The following YTHDF1 variants were observed in gnomAD, a reference collection of about 807,000 sequenced individuals.
The protein encoded by YTHDF1 is YTH domain-containing family protein 1.
A neutral mutation model predicts 49.1 loss-of-function variants in YTHDF1; 16 were observed. That is an observed-to-expected ratio of 0.33 (90% CI 0.22 to 0.49). The LOEUF (loss-of-function observed/expected upper bound fraction) is 0.49, where lower values mean the gene tolerates loss of function less well. Among genes scored for constraint, YTHDF1 ranks in the 20% least tolerant of loss-of-function variants. The pLI is 0.99. For synonymous variants in YTHDF1, 313 were observed against 290.1 expected, an observed-to-expected ratio of 1.08 and a Z score of -0.80; for missense variants, 621 against 744.3, an observed-to-expected ratio of 0.83 and a Z score of 1.93.
At chr20:63,204,517 C>A (rs1026231140) in intron 3 of YTHDF1, among the ~76,000 whole-genome samples, 1 of 152,222 alleles carries the variant, frequency 6.6e-6, no homozygotes, top group Middle Eastern at 3.2e-3. Context: ...TAGGCCCCTG[C>A]ACAGAGGGCC....
chr20:63,202,195 C>T (rs1419637337), intron 4 of YTHDF1, 92 bp downstream of exon 4: 3 of 1,489,644 alleles, frequency 2.0e-6, no homozygotes, highest in African/African-American at 1.4e-5. Flanking sequence ...GCTCGGCGGA[C>T]CTGCCGCATC....
At chr20:63,202,136 TG>T in intron 4 of YTHDF1, 150 bp downstream of exon 4, 1 of 1,005,982 alleles carries the variant, frequency 9.9e-7, no homozygotes, top group Non-Finnish European at 1.5e-6. Flanking sequence ...TGCCAGGACC[TG>T]GGCCCGCCCA....
At chr20:63,201,012 T>G (rs1479519461) in intron 4 of YTHDF1, among the ~76,000 whole-genome samples, 1 of 150,310 alleles carries the variant, frequency 6.7e-6, no homozygotes, top group Non-Finnish European at 1.5e-5. Context: ...GCCACTGCAC[T>G]CCAGCCTGGG....
At chr20:63,199,554 CT>C (rs1426118352) in intron 4 of YTHDF1, among the ~76,000 whole-genome samples, 3 of 151,906 alleles carry the variant, frequency 2.0e-5, no homozygotes, top group East Asian at 3.9e-4. Context: ...TGCACTGACT[CT>C]TCATGGGAAA....
intron 4 of YTHDF1, among the ~76,000 whole-genome samples, chr20:63,198,039 A>C (rs1046538020): frequency 6.6e-6 from 1 of 152,064 alleles, no homozygotes; most frequent in Non-Finnish European, 1.5e-5. Context: ...GGCAGGTCCT[A>C]CTCTTAAGAA....
intron 2 of YTHDF1, among the ~76,000 whole-genome samples, chr20:63,214,993 G>C (rs2066594348): frequency 6.6e-6 from 1 of 152,184 alleles, no homozygotes; most frequent in South Asian, 2.1e-4. Flanking sequence ...GGTAAATAAA[G>C]TGCTGGGCCT....
At chr20:63,205,899 T>C (rs975865399) in intron 3 of YTHDF1, among the ~76,000 whole-genome samples, 1 of 152,356 alleles carries the variant, frequency 6.6e-6, no homozygotes, top group Non-Finnish European at 1.5e-5. Context: ...TGGGATGCTA[T>C]CAGTGTTCCA....
chr20:63,215,627 G>C (rs767500809), intron 1 of YTHDF1, 26 bp from the exon 2 acceptor site: 1 of 1,601,624 alleles, frequency 6.2e-7, no homozygotes, highest in Non-Finnish European at 8.5e-7. Context: ...CCGGGACGTG[G>C]GGTACACACA....
At position 63,203,408 on chromosome 20, in the gene YTHDF1, G is replaced by A. The variant is rs190646520; in HGVS notation, c.532C>T (p.Pro178Ser). The change falls in exon 4 of 5, where the codon CCC becomes TCC. Residue 178 changes from proline (P) to serine (S), a missense_variant. This residue lies in a region of YTHDF1 where 470 missense variants were observed against 495.8 expected (regional missense o/e 0.95). Coordinates refer to ENST00000370339, the MANE Select transcript of YTHDF1 (RefSeq NM_017798.4). The surrounding 1 kb of genome is among the most constrained non-coding windows in gnomAD (Gnocchi z 4.4). ...GFHSDTLSKA[P>S]GMNSLEQGMV... is the part of the protein sequence containing the mutation. The stretch of plus-strand genomic sequence containing the variant: ...CCCTGCTCCAGGCTGTTCATCCCGG[G>A]GGCCTTGCTGAGGGTGTCGCTGTGA... The A allele has an allele frequency of 1.2e-6, 2 of 1,613,006 alleles. No homozygotes were observed. The highest frequency in any genetic ancestry group is 1.7e-4 in the Middle Eastern group (1 of 6,058).
chr20:63,214,960 C>T (rs2066594259), intron 2 of YTHDF1, among the ~76,000 whole-genome samples: 1 of 152,196 alleles, frequency 6.6e-6, no homozygotes, highest in African/African-American at 2.4e-5. Flanking sequence ...TGTTATTATG[C>T]TCAGCCAGAA....
Position 63,196,615 on chromosome 20 carries a change from C to T in YTHDF1, c.*93G>A, listed in dbSNP as rs534136172. The T allele has an allele frequency of 6.7e-6, 10 of 1,485,456 alleles. No homozygotes were observed. The highest frequency in any genetic ancestry group is 1.4e-5 in the African/African-American group (1 of 71,256). The allele number at this position is 1,485,456 out of a possible 1,614,324, so 92.0% of individuals were successfully genotyped here. On this transcript the variant is annotated 3_prime_UTR_variant, in exon 5 of 5. Transcript: ENST00000370339. ...AGGCAAAGATGCAACACTCAACCCCCGCACGGGACGACACACTGGAGCTGA... is the reference window on the plus strand; with the variant it reads ...AGGCAAAGATGCAACACTCAACCCCTGCACGGGACGACACACTGGAGCTGA...
intron 4 of YTHDF1, among the ~76,000 whole-genome samples, chr20:63,201,324 G>C (rs1012051252): frequency 1.3e-5 from 2 of 151,982 alleles, no homozygotes; most frequent in East Asian, 1.9e-4. Flanking sequence ...CTTTAACATA[G>C]AGAACTGAAA....
At chr20:63,201,852 G>A (rs1363568486) in intron 4 of YTHDF1, among the ~76,000 whole-genome samples, 6 of 152,192 alleles carry the variant, frequency 3.9e-5, no homozygotes, top group Non-Finnish European at 7.3e-5. Flanking sequence ...GTGGGGTCTC[G>A]ATGCCCTACG....
rs1039715784 is a variant in YTHDF1 at position 63,195,509 on chromosome 20, G to A, written c.*1199C>T. ...TGTCGTCCAGGACTCCATTCAGGCAGTAACAGTTCAGAGGAAGTGACACGC... is the reference window on the plus strand; with the variant it reads ...TGTCGTCCAGGACTCCATTCAGGCAATAACAGTTCAGAGGAAGTGACACGC... On this transcript the variant is annotated 3_prime_UTR_variant, in exon 5 of 5. Coordinates refer to ENST00000370339, the MANE Select transcript of YTHDF1 (RefSeq NM_017798.4). The A allele has an allele frequency of 2.0e-5, 3 of 152,622 alleles. No homozygotes were observed. The highest frequency in any genetic ancestry group is 4.4e-5 in the Non-Finnish European group (3 of 68,038). The allele number at this position is 152,622 out of a possible 1,614,324, so 9.5% of individuals were successfully genotyped here.
chr20:63,197,358 C>A (rs1334323478), intron 4 of YTHDF1, among the ~76,000 whole-genome samples: 1 of 152,176 alleles, frequency 6.6e-6, no homozygotes, highest in African/African-American at 2.4e-5. Flanking sequence ...CACGGCTAGA[C>A]TGGCTCAAGG....
intron 3 of YTHDF1, among the ~76,000 whole-genome samples, chr20:63,206,720 C>G (rs1188928546): frequency 2.6e-5 from 4 of 152,232 alleles, no homozygotes; most frequent in Non-Finnish European, 5.9e-5. Context: ...CCATTTTTAC[C>G]TCAATCTCAC....
At chr20:63,204,030 CAT>C (rs1231320089) in intron 3 of YTHDF1, among the ~76,000 whole-genome samples, 2 of 152,194 alleles carry the variant, frequency 1.3e-5, no homozygotes, top group Non-Finnish European at 1.5e-5. Context: ...TACGAAGCAT[CAT>C]TGGCAAGGCT....
At chr20:63,215,472 G>T in intron 2 of YTHDF1, 105 bp downstream of exon 2, 1 of 1,489,244 alleles carries the variant, frequency 6.7e-7, no homozygotes, top group Non-Finnish European at 9.3e-7. Context: ...CCCTGAAGCT[G>T]GCGGAAGAGA....
Position 63,203,691 on chromosome 20 carries a change from A to C in YTHDF1, c.249T>G (p.Ile83Met), listed in dbSNP as rs1212908589. The change falls in exon 4 of 5, where the codon ATT becomes ATG. Residue 83 changes from isoleucine (I) to methionine (M), a missense_variant. This residue lies in a region of YTHDF1 where 470 missense variants were observed against 495.8 expected (regional missense o/e 0.95). Transcript: ENST00000370339. This position sits in a 1 kb window ranked among gnomAD's most constrained non-coding sequence, Gnocchi z 4.4. The stretch of plus-strand genomic sequence containing the variant: ...GCTGTCCGTAGGTGGTGAGGTATGG[A>C]ATCGGAGGGTCCCCTGCAGTAGACC... The part of the protein sequence containing the change: ...APWSTAGDPP[I>M]PYLTTYGQLS... 6.2e-7 allele frequency: 1 copy of C among 1,614,186 alleles called. No individual in the cohort carries two copies. Among genetic ancestry groups the C allele is most frequent in the Non-Finnish European group, 8.5e-7 (1 of 1,180,022 alleles).
Sources: allele counts gnomAD v4.1 joint callset (sites outside exome capture counted in the v4.1 genomes callset), GRCh38; gene constraint gnomAD v4.1.1; regional missense constraint gnomAD v4.1.1; non-coding constraint Gnocchi (gnomAD v3.1); transcripts MANE v1.5; gene names NCBI Gene and HGNC (gene_info 2026-07-23, HGNC 2026-07-21).